NEGR1: variants seen among roughly 807,000 people sequenced by gnomAD.
The protein encoded by NEGR1 is IgLON family member 4.
Under a neutral mutation model 40.9 loss-of-function variants are expected in NEGR1, and 10 were observed. The ratio of observed to expected loss-of-function variants is 0.24; its 90% CI spans 0.15 to 0.42. NEGR1 has a LOEUF of 0.42. NEGR1 is among the 10% of genes least tolerant of loss of function. NEGR1 has a pLI of 1.00. For missense variants in NEGR1, 352 were observed against 438.9 expected (o/e 0.80, Z 1.77); for synonymous variants, 185 against 166.8 (o/e 1.11, Z -0.84).
At chr1:72,239,886 T>G (rs1654678687) in intron 1 of NEGR1, among the ~76,000 whole-genome samples, 1 of 151,864 alleles carries the variant, frequency 6.6e-6, no homozygotes, top group Non-Finnish European at 1.5e-5. Context: ...AAAATTGATT[T>G]TAATATGAGA....
At chr1:71,910,256 G>A (rs1454758099) in intron 2 of NEGR1, among the ~76,000 whole-genome samples, 1 of 152,194 alleles carries the variant, frequency 6.6e-6, no homozygotes, top group African/African-American at 2.4e-5. Context: ...TTAGAATCCA[G>A]TGTATAAACT....
intron 5 of NEGR1, among the ~76,000 whole-genome samples, chr1:71,606,827 G>A (rs573282114): frequency 6.6e-6 from 1 of 151,818 alleles, no homozygotes; most frequent in Non-Finnish European, 1.5e-5. Flanking sequence ...TTCTTTTAAG[G>A]GGTTTTAAGC....
intron 2 of NEGR1, among the ~76,000 whole-genome samples, chr1:71,818,069 G>A (rs1341251554): frequency 1.3e-5 from 2 of 151,938 alleles, no homozygotes; most frequent in Non-Finnish European, 1.5e-5. Flanking sequence ...AAAAAGAGGG[G>A]AACACTTATA....
At chr1:72,092,462 G>A (rs1648536041) in intron 1 of NEGR1, among the ~76,000 whole-genome samples, 1 of 151,988 alleles carries the variant, frequency 6.6e-6, no homozygotes, top group African/African-American at 2.4e-5. Flanking sequence ...TTTTTTTCTG[G>A]AAGGAAACAT....
intron 1 of NEGR1, among the ~76,000 whole-genome samples, chr1:72,280,099 A>C (rs17092541): frequency 0.013 from 1,924 of 152,320 alleles, 39 homozygotes; most frequent in African/African-American, 0.044. Flanking sequence ...GTATCACAAA[A>C]TGCGGGATAT....
chr1:72,081,719 G>A (rs2821263), intron 1 of NEGR1, among the ~76,000 whole-genome samples: 20,790 of 151,980 alleles, frequency 0.14, 1,909 homozygotes, highest in East Asian at 0.28. Context: ...AGAAGTTTTT[G>A]TGCTTTGTTT....
At chr1:71,690,496 C>T (rs1357097640) in intron 4 of NEGR1, among the ~76,000 whole-genome samples, 1 of 150,826 alleles carries the variant, frequency 6.6e-6, no homozygotes, top group Non-Finnish European at 1.5e-5. Context: ...GGGTTTGGTC[C>T]TTTGGCTGCT....
intron 3 of NEGR1, among the ~76,000 whole-genome samples, chr1:71,748,941 G>A (rs751508172): frequency 2.6e-5 from 4 of 151,990 alleles, no homozygotes; most frequent in Non-Finnish European, 5.9e-5. Context: ...ATTTCCACAA[G>A]GAGAATGAAG....
At chr1:71,438,147 G>T (rs1180050637) in intron 6 of NEGR1, among the ~76,000 whole-genome samples, 1 of 152,188 alleles carries the variant, frequency 6.6e-6, no homozygotes, top group Non-Finnish European at 1.5e-5. Context: ...GGATGGCTTT[G>T]AGGATGTTTA....
intron 6 of NEGR1, among the ~76,000 whole-genome samples, chr1:71,420,322 C>T (rs1418274123): frequency 2.0e-5 from 3 of 151,932 alleles, no homozygotes; most frequent in African/African-American, 7.2e-5. Flanking sequence ...TTGAGACTTA[C>T]ATAAGTCAGG....
intron 2 of NEGR1, among the ~76,000 whole-genome samples, chr1:71,871,907 C>A (rs1297994330): frequency 6.6e-6 from 1 of 152,116 alleles, no homozygotes; most frequent in Non-Finnish European, 1.5e-5. Flanking sequence ...ATCAATTTAT[C>A]CTTTCTAAGA....
At chr1:71,804,079 G>T (rs1377090151) in intron 2 of NEGR1, among the ~76,000 whole-genome samples, 2 of 151,826 alleles carry the variant, frequency 1.3e-5, no homozygotes, top group Non-Finnish European at 2.9e-5. Context: ...AATAAATCAA[G>T]GTTGATAACA....
chr1:71,900,639 G>A (rs951517153), intron 2 of NEGR1, among the ~76,000 whole-genome samples: 15 of 152,080 alleles, frequency 9.9e-5, no homozygotes, highest in Admixed American at 3.3e-4. Context: ...TCCAATTAAC[G>A]TAGGAAAATA....
intron 2 of NEGR1, among the ~76,000 whole-genome samples, chr1:71,911,949 T>G (rs1047866329): frequency 7.2e-5 from 11 of 152,172 alleles, no homozygotes; most frequent in African/African-American, 2.7e-4. Flanking sequence ...TGTTTATAAT[T>G]TGTTGCTTTT....
At chr1:71,762,487 A>G (rs1655980386) in intron 3 of NEGR1, among the ~76,000 whole-genome samples, 1 of 152,000 alleles carries the variant, frequency 6.6e-6, no homozygotes, top group Non-Finnish European at 1.5e-5. Flanking sequence ...ATGGAAAAGA[A>G]ACATGATTGT....
chr1:71,950,476 C>A (rs1191080851), intron 1 of NEGR1, among the ~76,000 whole-genome samples: 5 of 151,944 alleles, frequency 3.3e-5, no homozygotes, highest in Admixed American at 3.3e-4. Context: ...ATATTTTCAT[C>A]CTCAAATACT....
chr1:71,466,341 CT>C (rs1213161141), intron 6 of NEGR1, among the ~76,000 whole-genome samples: 3 of 152,046 alleles, frequency 2.0e-5, no homozygotes, highest in Non-Finnish European at 4.4e-5. Context: ...TAAATATTTA[CT>C]TTCTGTATGT....
chr1:71,647,927 A>G (rs191990024), intron 4 of NEGR1, among the ~76,000 whole-genome samples: 4 of 152,022 alleles, frequency 2.6e-5, no homozygotes, highest in Admixed American at 2.6e-4. Flanking sequence ...GTTATGTCAT[A>G]GCTCATTCAA....
At chr1:71,707,513 TCTGACTCTAGTCC>T (rs1653940806) in intron 3 of NEGR1, among the ~76,000 whole-genome samples, 1 of 152,176 alleles carries the variant, frequency 6.6e-6, no homozygotes, top group Non-Finnish European at 1.5e-5. Flanking sequence ...TTCTAAGGTT[TCTGACTCTAGTCC>T]CTGACTCTCA....
Sources: gnomAD v4.1 joint callset for allele counts (sites outside exome capture counted in the v4.1 genomes callset) on GRCh38, gnomAD v4.1.1 for gene constraint, MANE v1.5 for transcripts, NCBI Gene and HGNC (gene_info 2026-07-23, HGNC 2026-07-21) for gene names.